Variants in AKAP6 observed in about 807,000 individuals in gnomAD.
The protein encoded by AKAP6 is A-kinase anchor protein 6.
Under a neutral mutation model 188.5 loss-of-function variants are expected in AKAP6, and 58 were observed. The ratio of observed to expected loss-of-function variants is 0.31; its 90% CI spans 0.25 to 0.38. AKAP6 has a LOEUF of 0.38. Among genes scored for constraint, AKAP6 ranks in the 10% least tolerant of loss-of-function variants. AKAP6 has a pLI of 1.00. For synonymous variants in AKAP6, 989 were observed against 998.6 expected (o/e 0.99, Z 0.18); for missense variants, 2,710 against 2,740.0 (o/e 0.99, Z 0.24).
chr14:32,580,942 C>T (rs555659062), intron 5 of AKAP6, among the ~76,000 whole-genome samples: 49 of 152,240 alleles, frequency 3.2e-4, no homozygotes, highest in African/African-American at 1.2e-3. Context: ...TTTCTTAATC[C>T]AGTCTATCAT....
intron 12 of AKAP6, among the ~76,000 whole-genome samples, chr14:32,788,828 C>T (rs768455185): frequency 3.3e-5 from 5 of 152,154 alleles, no homozygotes; most frequent in Admixed American, 2.6e-4. Flanking sequence ...CCATTCATAT[C>T]CCTAGGAAGG....
chr14:32,428,505 CG>C (rs1890109269), intron 1 of AKAP6, among the ~76,000 whole-genome samples: 1 of 151,854 alleles, frequency 6.6e-6, no homozygotes, highest in Non-Finnish European at 1.5e-5. Context: ...AGAGAAACAC[CG>C]GGGAGAGGAG....
At chr14:32,718,247 ATAGGAG>A in intron 9 of AKAP6, 1 of 982,040 alleles carries the variant, frequency 1.0e-6, no homozygotes, top group Non-Finnish European at 1.2e-6. Flanking sequence ...TGGGCTTGCC[ATAGGAG>A]AACAGCAAAA....
intron 12 of AKAP6, among the ~76,000 whole-genome samples, chr14:32,805,650 A>G (rs1443312124): frequency 4.6e-5 from 7 of 152,216 alleles, no homozygotes; most frequent in Admixed American, 6.5e-5. Context: ...AAGAGAAAAC[A>G]TTTAAGTGGA....
intron 1 of AKAP6, among the ~76,000 whole-genome samples, chr14:32,330,534 AC>A (rs768619700): frequency 1.3e-5 from 2 of 152,000 alleles, no homozygotes; most frequent in Non-Finnish European, 2.9e-5. Flanking sequence ...CAATATGTCC[AC>A]TTAGAATCAG....
At chr14:32,687,641 A>G (rs1034292420) in intron 8 of AKAP6, among the ~76,000 whole-genome samples, 5 of 152,130 alleles carry the variant, frequency 3.3e-5, no homozygotes, top group African/African-American at 1.2e-4. Context: ...TTAAATCACT[A>G]GACAACCCAA....
rs1418286995 is a variant in AKAP6 at position 32,837,504 on chromosome 14, A to C, written c.*7699A>C. On this transcript the variant is annotated 3_prime_UTR_variant, in exon 14 of 14. Coordinates refer to ENST00000280979, the MANE Select transcript of AKAP6 (RefSeq NM_004274.5). The stretch of plus-strand genomic sequence containing the variant: ...TTATAAAAAATACTCTAAGGTTTAT[A>C]GAATTAGTTTGGTTCCGTTAGTTGA... 1 of 152,248 alleles carries C rather than the reference A, an allele frequency of 6.6e-6. No individual in the cohort carries two copies. Among genetic ancestry groups the C allele is most frequent in the East Asian group, 1.9e-4 (1 of 5,202 alleles). The allele number at this position is 152,248 out of a possible 1,614,324, so 9.4% of individuals were successfully genotyped here.
intron 1 of AKAP6, among the ~76,000 whole-genome samples, chr14:32,352,338 G>A (rs973966944): frequency 6.6e-6 from 1 of 151,402 alleles, no homozygotes; most frequent in African/African-American, 2.4e-5. Flanking sequence ...TTCCGTACAA[G>A]TATGTATTTT....
intron 8 of AKAP6, among the ~76,000 whole-genome samples, chr14:32,692,165 T>C (rs1237320770): frequency 6.6e-6 from 1 of 152,118 alleles, no homozygotes; most frequent in East Asian, 1.9e-4. Flanking sequence ...TGAGTATCTG[T>C]ATTAGGTTCA....
At chr14:32,442,571 A>G (rs1356244948) in intron 2 of AKAP6, 1 of 152,008 alleles carries the variant, frequency 6.6e-6, no homozygotes, top group East Asian at 1.9e-4. Flanking sequence ...CATGCTGATC[A>G]GTAGTGGGAT....
intron 1 of AKAP6, among the ~76,000 whole-genome samples, chr14:32,380,559 G>A (rs756905222): frequency 5.9e-5 from 9 of 152,092 alleles, no homozygotes; most frequent in South Asian, 2.1e-4. Flanking sequence ...TATCAAAGTC[G>A]GTGGTTCAGA....
chr14:32,505,321 A>G (rs1880814476), intron 2 of AKAP6, among the ~76,000 whole-genome samples: 1 of 151,010 alleles, frequency 6.6e-6, no homozygotes, highest in South Asian at 2.1e-4. Flanking sequence ...TCCTTTTCAC[A>G]TATCTCGTAT....
At chr14:32,509,951 A>G (rs1307118114) in intron 2 of AKAP6, among the ~76,000 whole-genome samples, 1 of 152,112 alleles carries the variant, frequency 6.6e-6, no homozygotes, top group African/African-American at 2.4e-5. Context: ...GTCATTCCAT[A>G]AGCCCTAGCT....
intron 1 of AKAP6, among the ~76,000 whole-genome samples, chr14:32,337,550 T>A (rs1886745841): frequency 6.6e-6 from 1 of 152,168 alleles, no homozygotes; most frequent in African/African-American, 2.4e-5. Flanking sequence ...AAATAATTGA[T>A]AACAGGATTT....
chr14:32,821,533 A>G lies in AKAP6; in HGVS notation c.3720A>G (p.Gln1240=). ...ATGAGGAATCAAATGACCTTGATCAAGAACTCCAACCTGTTATCCCTTCCT... is the reference window on the plus strand; with the variant it reads ...ATGAGGAATCAAATGACCTTGATCAGGAACTCCAACCTGTTATCCCTTCCT... ...SLNEESNDLD[Q]ELQPVIPSLK... The change falls in exon 13 of 14, where the codon CAA becomes CAG. Residue 1240 remains glutamine, a synonymous_variant. Coordinates refer to ENST00000280979, the MANE Select transcript of AKAP6 (RefSeq NM_004274.5). 1.9e-6 allele frequency: 3 copies of G among 1,613,836 alleles called. No individual in the cohort carries two copies. Among genetic ancestry groups the G allele is most frequent in the Non-Finnish European group, 2.5e-6 (3 of 1,179,852 alleles).
At chr14:32,618,244 C>T (rs909444159) in intron 7 of AKAP6, among the ~76,000 whole-genome samples, 4 of 152,062 alleles carry the variant, frequency 2.6e-5, no homozygotes, top group Admixed American at 1.3e-4. Context: ...TTTGTTTACA[C>T]GGATGAATTG....
intron 1 of AKAP6, among the ~76,000 whole-genome samples, chr14:32,374,017 A>G (rs1033430880): frequency 6.6e-6 from 1 of 152,244 alleles, no homozygotes; most frequent in Non-Finnish European, 1.5e-5. Flanking sequence ...GGCGTATGGA[A>G]CAGAGGACAG....
intron 2 of AKAP6, among the ~76,000 whole-genome samples, chr14:32,524,371 T>C (rs960565939): frequency 2.6e-5 from 4 of 152,164 alleles, no homozygotes; most frequent in Non-Finnish European, 5.9e-5. Context: ...AATTTTGGCC[T>C]GGGTGGTTGT....
chr14:32,443,267 G>A (rs1348541052), intron 2 of AKAP6, among the ~76,000 whole-genome samples: 9 of 152,078 alleles, frequency 5.9e-5, no homozygotes, highest in East Asian at 5.8e-4. Flanking sequence ...GGTGGTGGGC[G>A]CCTATAATCC....
Sources: allele counts gnomAD v4.1 joint callset (sites outside exome capture counted in the v4.1 genomes callset), GRCh38; gene constraint gnomAD v4.1.1; transcripts MANE v1.5; gene names NCBI Gene and HGNC (gene_info 2026-07-23, HGNC 2026-07-21).